AP4E1: variants seen among roughly 807,000 people sequenced by gnomAD.
AP4E1 encodes the protein adaptor related protein complex 4 subunit epsilon 1, also known as AP-4 complex subunit epsilon-1.
In AP4E1, 56 loss-of-function variants were observed where a neutral mutation model predicts 128.2. The observed-to-expected ratio is 0.44, with a 90% CI of 0.35 to 0.55. The LOEUF (loss-of-function observed/expected upper bound fraction) is 0.55. AP4E1 is among the 20% of genes least tolerant of loss of function. The probability of loss-of-function intolerance (pLI) is 0.00; values close to 1 mark genes in which losing one functional copy is unlikely to be tolerated. For missense variants in AP4E1, 1,324 were observed against 1,307.7 expected, an observed-to-expected ratio of 1.01 and a Z score of -0.19; for synonymous variants, 484 against 473.1, an observed-to-expected ratio of 1.02 and a Z score of -0.30.
At chr15:50,909,155 T>A (rs576743453) in intron 1 of AP4E1, among the ~76,000 whole-genome samples, 1 of 152,258 alleles carries the variant, frequency 6.6e-6, no homozygotes, top group South Asian at 2.1e-4. Context: ...ACTGACTCTT[T>A]GATCGGGGGC....
intron 13 of AP4E1, among the ~76,000 whole-genome samples, chr15:50,952,837 A>C (rs1021949827): frequency 6.6e-6 from 1 of 152,196 alleles, no homozygotes; most frequent in Non-Finnish European, 1.5e-5. Flanking sequence ...AGAATACTAC[A>C]TAGGCAATGT....
At chr15:50,956,053 A>C (rs945016804) in intron 13 of AP4E1, among the ~76,000 whole-genome samples, 3 of 152,162 alleles carry the variant, frequency 2.0e-5, no homozygotes, top group African/African-American at 4.8e-5. Flanking sequence ...CTCCACATCC[A>C]GTCTGAGGTA....
At chr15:50,920,355 C>A (rs962399073) in intron 3 of AP4E1, among the ~76,000 whole-genome samples, 1 of 151,064 alleles carries the variant, frequency 6.6e-6, no homozygotes, top group East Asian at 2.0e-4. Flanking sequence ...CCTCGTGATC[C>A]GCCCGCCTCA....
intron 15 of AP4E1, among the ~76,000 whole-genome samples, chr15:50,973,555 A>G (rs2064512337): frequency 6.6e-6 from 1 of 152,162 alleles, no homozygotes; most frequent in South Asian, 2.1e-4. Flanking sequence ...CTTCATGCCC[A>G]TTGATTGGTA....
intron 15 of AP4E1, 65 bp downstream of exon 15, chr15:50,968,442 G>A: frequency 9.1e-7 from 1 of 1,102,914 alleles, no homozygotes. Context: ...TTATAGTCAT[G>A]TAAGTAAATA....
intron 10 of AP4E1, among the ~76,000 whole-genome samples, chr15:50,942,573 G>A (rs576579415): frequency 6.7e-6 from 1 of 150,302 alleles, no homozygotes; most frequent in South Asian, 2.1e-4. Context: ...GGAAGGAAAG[G>A]CTTAATAATA....
At chr15:50,921,081 G>A (rs1383995293) in intron 3 of AP4E1, among the ~76,000 whole-genome samples, 1 of 151,932 alleles carries the variant, frequency 6.6e-6, no homozygotes, top group African/African-American at 2.4e-5. Flanking sequence ...GGGATTACGG[G>A]CATGAACTAC....
In AP4E1 at chr15:50,978,298, A is replaced by G. The variant is rs1407881071; in HGVS notation, c.1967-5724A>G. Among the ~76,000 whole-genome samples, 4 of 152,186 alleles carry G rather than the reference A, an allele frequency of 2.6e-5. 1 individual carries two copies. Among genetic ancestry groups the G allele is most frequent in the East Asian group, 1.9e-4 (1 of 5,200 alleles). On this transcript the variant is annotated intron_variant, in intron 15 of 20. Transcript: ENST00000261842. ...AGATAACCAGAAATAATAAGGGGAA[A>G]CAGTATTTACTAAATCTGGCTTTTA...
intron 15 of AP4E1, among the ~76,000 whole-genome samples, chr15:50,983,027 G>A (rs2064663926): frequency 6.6e-6 from 1 of 152,190 alleles, no homozygotes; most frequent in African/African-American, 2.4e-5. Flanking sequence ...AAATTTGTCA[G>A]TTAAGATTAG....
At chr15:50,980,651 T>C (rs1173199685) in intron 15 of AP4E1, among the ~76,000 whole-genome samples, 2 of 152,152 alleles carry the variant, frequency 1.3e-5, no homozygotes, top group Non-Finnish European at 2.9e-5. Flanking sequence ...GCTGCCCTTC[T>C]CTTCACAGGC....
At position 50,919,186 on chromosome 15, in the gene AP4E1, C is replaced by A. The variant is rs559998819; in HGVS notation, c.346+3615C>A. On this transcript the variant is annotated intron_variant, in intron 3 of 20. Transcript: ENST00000261842. ...TGGAGGTTGCAGTGAGCCAAGATCA[C>A]GCCACTGCACTCCAGCCTGGGTAAC... Among the ~76,000 whole-genome samples, 8 of 151,412 alleles carry A rather than the reference C, an allele frequency of 5.3e-5. No individual in the cohort carries two copies. In the East Asian group the frequency reaches 1.4e-3, roughly 26 times the overall value.
At chr15:50,931,437 G>A (rs1349535086) in intron 7 of AP4E1, among the ~76,000 whole-genome samples, 3 of 152,010 alleles carry the variant, frequency 2.0e-5, no homozygotes, top group South Asian at 4.1e-4. Flanking sequence ...ACAGTGGCGC[G>A]CGCCTGTAAT....
chr15:50,948,516 G>A (rs1000578072), intron 11 of AP4E1, among the ~76,000 whole-genome samples: 1 of 152,062 alleles, frequency 6.6e-6, no homozygotes, highest in African/African-American at 2.4e-5. Context: ...GAGGGTGTGT[G>A]GGAGTGGTCA....
chr15:50,989,551 T>TC (rs1161523745), intron 16 of AP4E1, among the ~76,000 whole-genome samples: 3 of 152,058 alleles, frequency 2.0e-5, no homozygotes, highest in Non-Finnish European at 4.4e-5. Flanking sequence ...ATTTTGATAC[T>TC]CCAAGCATGG....
chr15:50,966,011 G>A (rs1016090437), intron 14 of AP4E1, among the ~76,000 whole-genome samples: 2 of 151,862 alleles, frequency 1.3e-5, no homozygotes, highest in African/African-American at 2.4e-5. Flanking sequence ...TCTGCCTCCC[G>A]GGTTCAAGTG....
Position 50,959,878 on chromosome 15 carries a change from A to G in AP4E1, c.1851+1084A>G, listed in dbSNP as rs28880694. 4.7e-3 allele frequency among the ~76,000 whole-genome samples: 721 copies of G among 152,328 alleles called. 10 individuals are homozygous for G. Among genetic ancestry groups the G allele is most frequent in the African/African-American group, 0.017 (700 of 41,580 alleles). ...AATAAGATCCAGCTATATGCTGCCT[A>G]TAAGAAACTCACTCACCTGTAAAGA... On this transcript the variant is annotated intron_variant, in intron 14 of 20. Coordinates refer to ENST00000261842, the MANE Select transcript of AP4E1 (RefSeq NM_007347.5).
chr15:50,933,691 G>GA (rs1050833993), intron 7 of AP4E1, among the ~76,000 whole-genome samples: 48 of 152,094 alleles, frequency 3.2e-4, no homozygotes, highest in African/African-American at 1.2e-3. Context: ...TTAATTATTG[G>GA]ATATTTATAC....
chr15:50,983,798 G>A (rs1047588227), intron 15 of AP4E1, among the ~76,000 whole-genome samples: 6 of 152,084 alleles, frequency 3.9e-5, no homozygotes, highest in Admixed American at 3.3e-4. Flanking sequence ...ATAAAGGATA[G>A]TTGGTCTTTA....
chr15:50,928,638 G>C (rs557537502), intron 5 of AP4E1, among the ~76,000 whole-genome samples: 16 of 149,896 alleles, frequency 1.1e-4, no homozygotes, highest in African/African-American at 3.9e-4. Flanking sequence ...TAAACTTACT[G>C]TTGACTTTTT....
Sources: gnomAD v4.1 joint callset for allele counts (sites outside exome capture counted in the v4.1 genomes callset) on GRCh38, gnomAD v4.1.1 for gene constraint, MANE v1.5 for transcripts, NCBI Gene and HGNC (gene_info 2026-07-23, HGNC 2026-07-21) for gene names.